The following NT5C2 variants were observed in gnomAD, a reference collection of about 807,000 sequenced individuals.
NT5C2 encodes the protein 5'-nucleotidase, cytosolic II, also known as cytosolic purine 5'-nucleotidase.
Under a neutral mutation model 76.1 loss-of-function variants are expected in NT5C2, and 58 were observed. The ratio of observed to expected loss-of-function variants is 0.76; its 90% confidence interval spans 0.62 to 0.95. The LOEUF is 0.95. NT5C2 is among the 40% of genes least tolerant of loss of function. The pLI is 0.00. For missense variants in NT5C2, 478 were observed against 690.3 expected (o/e 0.69, Z 3.45); for synonymous variants, 229 against 237.4 (o/e 0.96, Z 0.32).
At chr10:103,094,327 C>G in intron 13 of NT5C2, 21 bp downstream of exon 13, 1 of 1,414,374 alleles carries the variant, frequency 7.1e-7, no homozygotes, top group South Asian at 1.1e-5. Context: ...GCTAGCAAGA[C>G]AGATCATTCT....
chr10:103,165,263 G>A (rs1591653077), intron 3 of NT5C2, among the ~76,000 whole-genome samples: 1 of 152,222 alleles, frequency 6.6e-6, no homozygotes, highest in South Asian at 2.1e-4. Context: ...GGAGGCCAAG[G>A]CGGGTGGATC....
chr10:103,111,896 C>A, intron 4 of NT5C2: 1 of 824,770 alleles, frequency 1.2e-6, no homozygotes, highest in East Asian at 3.3e-5. Flanking sequence ...CAGAGAGATA[C>A]CATTTGGAAA....
At chr10:103,093,378 C>A in intron 14 of NT5C2, 69 bp from the exon 15 acceptor site, 1 of 1,230,986 alleles carries the variant, frequency 8.1e-7, no homozygotes, top group South Asian at 1.8e-5. Context: ...TAGTATTTAA[C>A]CATTAAATAC....
At chr10:103,185,663 AGG>A (rs1423226929) in intron 1 of NT5C2, among the ~76,000 whole-genome samples, 5 of 144,176 alleles carry the variant, frequency 3.5e-5, no homozygotes, top group East Asian at 1.9e-4. Context: ...AAAAAAAAAA[AGG>A]AAAAAAAAAA....
At chr10:103,128,376 T>C (rs1352788662) in intron 4 of NT5C2, among the ~76,000 whole-genome samples, 10 of 136,222 alleles carry the variant, frequency 7.3e-5, no homozygotes, top group Admixed American at 7.1e-4. Context: ...TGCTCAATGG[T>C]GCCCAGGCTG....
chr10:103,090,000 G>A, intron 18 of NT5C2, 92 bp from the exon 19 acceptor site: 1 of 958,514 alleles, frequency 1.0e-6, no homozygotes. Context: ...AGGTGGCCAT[G>A]CAATTACATC....
intron 14 of NT5C2, 59 bp from the exon 15 acceptor site, chr10:103,093,368 T>C (rs912651252): frequency 2.9e-6 from 4 of 1,397,934 alleles, no homozygotes; most frequent in East Asian, 2.4e-5. Context: ...AGCATTCCAA[T>C]AGTATTTAAC....
intron 10 of NT5C2, among the ~76,000 whole-genome samples, chr10:103,097,615 G>C (rs1010031861): frequency 2.0e-5 from 3 of 152,106 alleles, no homozygotes; most frequent in Non-Finnish European, 4.4e-5. Context: ...ATATTTATAG[G>C]GGTTATATGG....
chr10:103,166,666 T>C (rs139469884), intron 3 of NT5C2, among the ~76,000 whole-genome samples: 12 of 152,328 alleles, frequency 7.9e-5, no homozygotes, highest in African/African-American at 2.6e-4. Flanking sequence ...TTCTTTCTTT[T>C]TTCTAGAGAC....
At chr10:103,165,038 A>T (rs2086014624) in intron 3 of NT5C2, among the ~76,000 whole-genome samples, 1 of 152,248 alleles carries the variant, frequency 6.6e-6, no homozygotes, top group Non-Finnish European at 1.5e-5. Context: ...TCTTGTATCT[A>T]GAACAGATAA....
At chr10:103,170,555 G>A (rs1471437475) in intron 3 of NT5C2, among the ~76,000 whole-genome samples, 1 of 126,560 alleles carries the variant, frequency 7.9e-6, no homozygotes, top group African/African-American at 3.0e-5. Context: ...TTTGAGACAT[G>A]CTCTCATTCT....
At position 103,089,590 on chromosome 10, in the gene NT5C2, G is replaced by A; in HGVS notation, c.*82C>T. ...TGGAGCCCCCTCCCTCCCCCGAGTA[G>A]AACCCTAACAGGGACCTCGTTTGTT... On this transcript the variant is annotated 3_prime_UTR_variant, in exon 19 of 19. Transcript: ENST00000404739. The A allele has an allele frequency of 6.9e-7, 1 of 1,455,288 alleles. No homozygotes were observed. The highest frequency in any genetic ancestry group is 9.1e-7 in the Non-Finnish European group (1 of 1,102,360). 90.1% of individuals were successfully genotyped at this position (1,455,288 alleles called of 1,614,324 possible). A position where few individuals can be genotyped will look rare whatever the true frequency, so the allele number is the denominator to read the frequency against.
At chr10:103,171,297 T>C (rs1421718394) in intron 3 of NT5C2, among the ~76,000 whole-genome samples, 1 of 152,238 alleles carries the variant, frequency 6.6e-6, no homozygotes, top group Non-Finnish European at 1.5e-5. Context: ...TTAGTATCTA[T>C]TGAAACAACA....
chr10:103,171,521 T>C (rs904624002), intron 3 of NT5C2, among the ~76,000 whole-genome samples: 26 of 152,320 alleles, frequency 1.7e-4, no homozygotes, highest in African/African-American at 6.3e-4. Flanking sequence ...TGCAACTTTT[T>C]AGCACTGCCA....
At chr10:103,090,877 A>G in intron 17 of NT5C2, 59 bp downstream of exon 17, 1 of 1,593,532 alleles carries the variant, frequency 6.3e-7, no homozygotes, top group Non-Finnish European at 8.6e-7. Flanking sequence ...TAAATCAGGA[A>G]TGTGAAAAAA....
At chr10:103,139,613 ATT>A in intron 3 of NT5C2, 134 bp from the exon 4 acceptor site, 1 of 611,174 alleles carries the variant, frequency 1.6e-6, no homozygotes, top group Non-Finnish European at 2.8e-6. Context: ...AAAATTATAT[ATT>A]AAGATGTATA....
intron 6 of NT5C2, among the ~76,000 whole-genome samples, chr10:103,101,975 C>G (rs984290662): frequency 2.6e-5 from 4 of 152,120 alleles, no homozygotes; most frequent in Non-Finnish European, 5.9e-5. Flanking sequence ...GCAGATTAAG[C>G]TACTGTTTCT....
intron 6 of NT5C2, 97 bp from the exon 7 acceptor site, chr10:103,101,423 C>T (rs1172141524): frequency 1.4e-6 from 1 of 696,866 alleles, no homozygotes; most frequent in Admixed American, 2.4e-5. Context: ...ATTTTGATGG[C>T]TATGTGCAAG....
intron 3 of NT5C2, among the ~76,000 whole-genome samples, chr10:103,149,659 T>C (rs549200301): frequency 6.6e-6 from 1 of 152,240 alleles, no homozygotes; most frequent in South Asian, 2.1e-4. Flanking sequence ...GGATCATTCA[T>C]AAAACACAGC....
Sources: allele counts gnomAD v4.1 joint callset (sites outside exome capture counted in the v4.1 genomes callset), GRCh38; gene constraint gnomAD v4.1.1; transcripts MANE v1.5; gene names NCBI Gene and HGNC (gene_info 2026-07-23, HGNC 2026-07-21).